The following CAPN7 variants were observed in gnomAD, a reference collection of about 807,000 sequenced individuals.
CAPN7 encodes the protein calpain 7.
In CAPN7, 72 loss-of-function variants were observed where a neutral mutation model predicts 115.2. The observed-to-expected ratio is 0.63, with a 90% CI of 0.52 to 0.76. The LOEUF is 0.76. CAPN7 is among the 30% of genes least tolerant of loss of function. The pLI is 0.00. For synonymous variants in CAPN7, 344 were observed against 322.3 expected (o/e 1.07, Z -0.72); for missense variants, 905 against 971.5 (o/e 0.93, Z 0.91).
At chr3:15,245,415 G>A in intron 16 of CAPN7, 111 bp from the exon 17 acceptor site, 1 of 918,504 alleles carries the variant, frequency 1.1e-6, no homozygotes. Context: ...ATATTTTAAG[G>A]AGAGAATCAG....
At chr3:15,211,883 C>G (rs1004044208) in intron 1 of CAPN7, among the ~76,000 whole-genome samples, 1 of 152,018 alleles carries the variant, frequency 6.6e-6, no homozygotes, top group East Asian at 1.9e-4. Flanking sequence ...GAGCAAAACT[C>G]TGTCTCAAAA....
At chr3:15,206,664 G>C (rs770055994) in intron 1 of CAPN7, 67 bp downstream of exon 1, 42 of 1,202,198 alleles carry the variant, frequency 3.5e-5, no homozygotes, top group Non-Finnish European at 4.9e-5. Context: ...CTGCGGCCGA[G>C]GGGCGGGATC....
In CAPN7 at chr3:15,222,955, A is replaced by G. The variant is rs995955334; in HGVS notation, c.639-520A>G. On this transcript the variant is annotated intron_variant, in intron 5 of 20. Coordinates refer to ENST00000253693, the MANE Select transcript of CAPN7 (RefSeq NM_014296.3). ...CAAGAAGGAAATAGTTAATATAGAT[A>G]AATAAGCATATACACAAAACAAGGA... Among the ~76,000 whole-genome samples the G allele has an allele frequency of 2.0e-4, 30 of 152,224 alleles. 1 individual carries two copies. The highest frequency in any genetic ancestry group is 7.3e-5 in the Non-Finnish European group (5 of 68,040).
chr3:15,248,824 G>C (rs1335054217), intron 19 of CAPN7, among the ~76,000 whole-genome samples: 1 of 151,724 alleles, frequency 6.6e-6, no homozygotes, highest in East Asian at 1.9e-4. Context: ...CCTCATCTCT[G>C]CAAAAATTTT....
chr3:15,245,212 T>C (rs560000332), intron 16 of CAPN7, among the ~76,000 whole-genome samples: 1 of 149,562 alleles, frequency 6.7e-6, no homozygotes, highest in African/African-American at 2.5e-5. Flanking sequence ...AAAAAACTAA[T>C]CCTGACTTTA....
In CAPN7 at chr3:15,230,463, G is replaced by A. The variant is rs1289074541; in HGVS notation, c.960G>A (p.Lys320=). The part of the protein sequence containing the change: ...LITGIIYPQN[K]DGEPEYNPCG... ...AAAGCATAATTTACCCTCAAAACAAGGATGGTGAACCAGAATACAATCCAT... is the reference window on the plus strand; with the variant it reads ...AAAGCATAATTTACCCTCAAAACAAAGATGGTGAACCAGAATACAATCCAT... The change falls in exon 9 of 21, where the codon AAG becomes AAA. Residue 320 remains lysine, a synonymous_variant. Coordinates refer to ENST00000253693, the MANE Select transcript of CAPN7 (RefSeq NM_014296.3). The A allele has an allele frequency of 6.2e-7, 1 of 1,611,804 alleles. No homozygotes were observed. Among genetic ancestry groups the A allele is most frequent in the Admixed American group, 1.7e-5 (1 of 59,980 alleles).
At position 15,251,139 on chromosome 3, in the gene CAPN7, T is replaced by G; in HGVS notation, c.2321T>G (p.Leu774Ter). 6.2e-7 allele frequency: 1 copy of G among 1,606,122 alleles called. No individual in the cohort carries two copies. ...DYRCGFCYLE[L>*]ENIPSGIFNI... ...AGGTGTGGGTTTTGCTACCTGGAAT[T>G]AGAAAATATACCTTCTGGGATCTTC... Residue 774 changes from leucine to a stop codon, truncating the protein, a stop_gained, in exon 21 of 21, where the codon TTA (leucine) becomes TGA (stop). Coordinates refer to ENST00000253693, the MANE Select transcript of CAPN7 (RefSeq NM_014296.3). LOFTEE classifies it high-confidence loss of function.
intron 4 of CAPN7, among the ~76,000 whole-genome samples, chr3:15,219,864 C>T (rs1213811542): frequency 6.6e-6 from 1 of 152,200 alleles, no homozygotes; most frequent in Non-Finnish European, 1.5e-5. Flanking sequence ...TCATCTCCTG[C>T]TGCCTCTCGT....
intron 1 of CAPN7, among the ~76,000 whole-genome samples, chr3:15,208,359 C>T (rs2044747846): frequency 6.6e-6 from 1 of 151,664 alleles, no homozygotes; most frequent in African/African-American, 2.4e-5. Flanking sequence ...CTAATAATAG[C>T]TCATTGCAGC....
At chr3:15,235,203 C>T (rs1158327675) in intron 12 of CAPN7, 58 bp downstream of exon 12, 27 of 1,460,704 alleles carry the variant, frequency 1.8e-5, no homozygotes, top group Non-Finnish European at 2.3e-5. Flanking sequence ...TTTCAGGGAT[C>T]CCAGATAATT....
intron 12 of CAPN7, 126 bp from the exon 13 acceptor site, chr3:15,240,347 A>G (rs1695266934): frequency 4.5e-6 from 4 of 883,200 alleles, no homozygotes; most frequent in South Asian, 1.6e-5. Flanking sequence ...TGTTAAAAAT[A>G]TTAATTTCAA....
chr3:15,210,758 C>T (rs2044894088), intron 1 of CAPN7: 5 of 1,286,862 alleles, frequency 3.9e-6, no homozygotes, highest in Admixed American at 4.6e-5. Context: ...AGGGTTTCAC[C>T]ATGTTGCCCA....
intron 1 of CAPN7, among the ~76,000 whole-genome samples, chr3:15,209,770 A>G (rs549310634): frequency 2.7e-4 from 41 of 152,364 alleles, no homozygotes; most frequent in African/African-American, 9.9e-4. Flanking sequence ...AGAAACTGCT[A>G]TGCACTGCCC....
intron 1 of CAPN7, among the ~76,000 whole-genome samples, chr3:15,208,606 A>G (rs1208255320): frequency 2.0e-5 from 3 of 152,002 alleles, no homozygotes; most frequent in Non-Finnish European, 4.4e-5. Context: ...AGTGTACTAT[A>G]ATTAATTTAC....
At chr3:15,231,644 C>G (rs1343610873) in intron 9 of CAPN7, among the ~76,000 whole-genome samples, 1 of 152,016 alleles carries the variant, frequency 6.6e-6, no homozygotes. Flanking sequence ...GGTCTCCTGC[C>G]TCAGCCTCCC....
At chr3:15,209,834 A>C (rs141541627) in intron 1 of CAPN7, among the ~76,000 whole-genome samples, 1,738 of 152,306 alleles carry the variant, frequency 0.011, 34 homozygotes, top group African/African-American at 0.037. Context: ...ATCTTTGAGA[A>C]AGCCAAAAAA....
In CAPN7 at chr3:15,206,555, C is replaced by T. The variant is rs749256561; in HGVS notation, c.60C>T (p.Arg20=). The change falls in exon 1 of 21, where the codon CGC becomes CGT. Residue 20 remains arginine (R), a synonymous_variant. Coordinates refer to ENST00000253693, the MANE Select transcript of CAPN7 (RefSeq NM_014296.3). ...AGTTCGCCCGTCTGGCGGTTCAGCG[C>T]GACCACGAAGGCCGCTACTCCGAGG... ...AVQFARLAVQ[R]DHEGRYSEAV... 2.6e-6 allele frequency: 4 copies of T among 1,555,490 alleles called. No homozygotes were observed. Among genetic ancestry groups the T allele is most frequent in the South Asian group, 1.2e-5 (1 of 84,278 alleles).
In CAPN7 at chr3:15,217,584, T is replaced by C. The variant is rs369485108; in HGVS notation, c.369+2T>C. 1.2e-6 allele frequency: 2 copies of C among 1,607,702 alleles called. No individual in the cohort carries two copies. Among genetic ancestry groups the C allele is most frequent in the South Asian group, 1.1e-5 (1 of 89,646 alleles). ...GCTGTGGATCTCTGTCTGAAAACAG[T>C]GTGTATAGCTACAAATTACGTTTGA... On this transcript the variant is annotated splice_donor_variant, in intron 3 of 20. Coordinates refer to ENST00000253693, the MANE Select transcript of CAPN7 (RefSeq NM_014296.3). LOFTEE classifies it high-confidence loss of function.
chr3:15,230,632 C>T, intron 9 of CAPN7, 97 bp downstream of exon 9: 1 of 744,150 alleles, frequency 1.3e-6, no homozygotes, highest in Admixed American at 2.1e-5. Context: ...TCTGTTTGAA[C>T]ATTTTAAAAG....
Sources: allele counts gnomAD v4.1 joint callset (sites outside exome capture counted in the v4.1 genomes callset), GRCh38; gene constraint gnomAD v4.1.1; transcripts MANE v1.5; gene names NCBI Gene and HGNC (gene_info 2026-07-23, HGNC 2026-07-21).